Variants in SGMS2 observed in about 807,000 individuals in gnomAD.
SGMS2 encodes the protein sphingomyelin synthase 2.
A neutral mutation model predicts 43.8 loss-of-function variants in SGMS2; 21 were observed. The ratio of observed to expected loss-of-function variants is 0.48; its 90% CI spans 0.34 to 0.69. The LOEUF (loss-of-function observed/expected upper bound fraction) is 0.69, where lower values mean the gene tolerates loss of function less well. Among genes scored for constraint, SGMS2 ranks in the 30% least tolerant of loss-of-function variants. The probability of loss-of-function intolerance (pLI) is 0.01; values close to 1 mark genes in which losing one functional copy is unlikely to be tolerated. For synonymous variants in SGMS2, 167 were observed against 160.6 expected, an observed-to-expected ratio of 1.04 and a Z score of -0.30; for missense variants, 384 against 443.2, an observed-to-expected ratio of 0.87 and a Z score of 1.20.
chr4:107,832,161 A>G (rs1451853014), intron 1 of SGMS2, among the ~76,000 whole-genome samples: 3 of 152,214 alleles, frequency 2.0e-5, no homozygotes, highest in Non-Finnish European at 2.9e-5. Context: ...AGTAGTTGCT[A>G]CCAAACTTTC....
chr4:107,833,790 C>A (rs1435051294), intron 1 of SGMS2, among the ~76,000 whole-genome samples: 2 of 152,180 alleles, frequency 1.3e-5, no homozygotes, highest in Admixed American at 1.3e-4. Flanking sequence ...CCTGGGTCAT[C>A]TGGGTGAGCC....
Position 107,849,754 on chromosome 4 carries a change from C to G in SGMS2, c.-326-8718C>G, listed in dbSNP as rs187412221. Among the ~76,000 whole-genome samples, 7 of 152,270 alleles carry G rather than the reference C, an allele frequency of 4.6e-5. No homozygotes were observed. The East Asian group carries it at 1.3e-3, about 29-fold the overall frequency. ...CCCATGGTCTTTTCCCCAGAAAGCC[C>G]TTGGCTTGTTTTCATCATATTTCCC... On this transcript the variant is annotated intron_variant, in intron 1 of 6. Transcript: ENST00000690982.
intron 2 of SGMS2, among the ~76,000 whole-genome samples, chr4:107,868,914 T>G (rs1022517790): frequency 2.6e-5 from 4 of 152,212 alleles, no homozygotes; most frequent in African/African-American, 9.7e-5. Flanking sequence ...CAAGTAATTT[T>G]GTGCATTTTC....
chr4:107,857,470 C>T (rs1331599151), intron 1 of SGMS2, among the ~76,000 whole-genome samples: 1 of 151,436 alleles, frequency 6.6e-6, no homozygotes, highest in Non-Finnish European at 1.5e-5. Flanking sequence ...TCTGGTTGCA[C>T]ATGAGTGTAC....
rs1730161922 is a variant in SGMS2, at chr4:107,891,009, T to C, written c.-244-4301T>C. Among the ~76,000 whole-genome samples the C allele has an allele frequency of 2.0e-5, 3 of 152,162 alleles. No homozygotes were observed. The South Asian group carries it at 6.2e-4, about 32-fold the overall frequency. ...TGCAGTGTGAGGTGACTGCCTTTGC[T>C]TTCAGTTTGACCTGGCTAGCAAAAA... On this transcript the variant is annotated intron_variant, in intron 2 of 6. Transcript: ENST00000690982.
At chr4:107,848,457 T>G (rs961703154) in intron 1 of SGMS2, among the ~76,000 whole-genome samples, 1 of 152,166 alleles carries the variant, frequency 6.6e-6, no homozygotes, top group Non-Finnish European at 1.5e-5. Flanking sequence ...CCTTGTCACA[T>G]GCTAAGACTC....
At position 107,895,329 on chromosome 4, in the gene SGMS2, T is replaced by C. The variant is rs1335462342; in HGVS notation, c.-225T>C. The C allele has an allele frequency of 4.0e-6, 2 of 493,840 alleles. No individual in the cohort carries two copies. The highest frequency in any genetic ancestry group is 3.9e-5 in the African/African-American group (2 of 51,586). 30.6% of individuals were successfully genotyped at this position (493,840 alleles called of 1,614,324 possible). ...TTTTAGGTGGGATAGTAACATCTTT[T>C]TGAGGGAAGAATTGGCTTCCTTTCT... On this transcript the variant is annotated 5_prime_UTR_variant, in exon 3 of 7. Coordinates refer to ENST00000690982, the MANE Select transcript of SGMS2 (RefSeq NM_001375905.1).
chr4:107,908,955 A>AT (rs1248372898), intron 6 of SGMS2, among the ~76,000 whole-genome samples: 1 of 152,224 alleles, frequency 6.6e-6, no homozygotes, highest in Non-Finnish European at 1.5e-5. Flanking sequence ...TGCATTGCTA[A>AT]TTCAGGTAAC....
chr4:107,858,335 C>G (rs1727541903), intron 1 of SGMS2, 137 bp from the exon 2 acceptor site: 1 of 152,164 alleles, frequency 6.6e-6, no homozygotes, highest in African/African-American at 2.4e-5. Context: ...TGGCAACTCT[C>G]CTAGAGGGCC....
At chr4:107,869,361 A>G (rs1728380025) in intron 2 of SGMS2, among the ~76,000 whole-genome samples, 2 of 152,198 alleles carry the variant, frequency 1.3e-5, no homozygotes, top group South Asian at 2.1e-4. Context: ...AAATTTTTAC[A>G]TAAAGCTTGA....
intron 1 of SGMS2, among the ~76,000 whole-genome samples, chr4:107,833,056 T>A (rs1158598839): frequency 1.3e-5 from 2 of 152,086 alleles, no homozygotes; most frequent in African/African-American, 4.8e-5. Flanking sequence ...TGATACTAAT[T>A]TTCACTATAG....
intron 2 of SGMS2, among the ~76,000 whole-genome samples, chr4:107,882,704 A>G (rs531861205): frequency 6.6e-6 from 1 of 152,254 alleles, no homozygotes; most frequent in East Asian, 1.9e-4. Flanking sequence ...TGACTATTTT[A>G]TTCTACAAGT....
At chr4:107,860,914 A>G (rs1478552574) in intron 2 of SGMS2, among the ~76,000 whole-genome samples, 1 of 152,178 alleles carries the variant, frequency 6.6e-6, no homozygotes, top group African/African-American at 2.4e-5. Flanking sequence ...CATAGCTTAA[A>G]TGTCAGACTG....
At position 107,895,812 on chromosome 4, in the gene SGMS2, G is replaced by A; in HGVS notation, c.259G>A (p.Val87Ile). ...AACGGGCATTGCCTTCATATATGCA[G>A]TTTTCAACCTCGTCTTGACAACCGT... ...WKTGIAFIYA[V>I]FNLVLTTVMI... is the part of the protein sequence containing the mutation. The change falls in exon 3 of 7, where the codon GTT (valine) becomes ATT (isoleucine). Residue 87 changes from valine to isoleucine, a missense_variant. Coordinates refer to ENST00000690982, the MANE Select transcript of SGMS2 (RefSeq NM_001375905.1). 6.2e-7 allele frequency: 1 copy of A among 1,613,960 alleles called. No individual in the cohort carries two copies. The highest frequency in any genetic ancestry group is 8.5e-7 in the Non-Finnish European group (1 of 1,179,934).
At chr4:107,852,325 C>T (rs931074889) in intron 1 of SGMS2, among the ~76,000 whole-genome samples, 1 of 151,936 alleles carries the variant, frequency 6.6e-6, no homozygotes, top group African/African-American at 2.4e-5. Flanking sequence ...GATCCGCCTG[C>T]CTCAGCCTCC....
At chr4:107,863,409 T>C (rs907761340) in intron 2 of SGMS2, 1 of 152,136 alleles carries the variant, frequency 6.6e-6, no homozygotes, top group East Asian at 1.9e-4. Context: ...CTCGCCATGC[T>C]CTAGACAGCT....
chr4:107,896,797 CTA>C (rs1422748325), intron 3 of SGMS2, among the ~76,000 whole-genome samples: 1 of 152,172 alleles, frequency 6.6e-6, no homozygotes, highest in African/African-American at 2.4e-5. Flanking sequence ...TTCTGCTTCT[CTA>C]TGTGAATTCT....
intron 1 of SGMS2, among the ~76,000 whole-genome samples, chr4:107,855,173 T>G (rs1418079232): frequency 6.6e-6 from 1 of 152,188 alleles, no homozygotes; most frequent in Non-Finnish European, 1.5e-5. Flanking sequence ...TTATTAGTAT[T>G]AACTCCTTTG....
At chr4:107,876,351 AC>A (rs1728911757) in intron 2 of SGMS2, among the ~76,000 whole-genome samples, 1 of 152,148 alleles carries the variant, frequency 6.6e-6, no homozygotes, top group South Asian at 2.1e-4. Flanking sequence ...TAGCCACAGC[AC>A]CTGGTTAAAT....
Sources: gnomAD v4.1 joint callset for allele counts (sites outside exome capture counted in the v4.1 genomes callset) on GRCh38, gnomAD v4.1.1 for gene constraint, MANE v1.5 for transcripts, NCBI Gene and HGNC (gene_info 2026-07-23, HGNC 2026-07-21) for gene names.